The following DCPS variants were observed in gnomAD, a reference collection of about 807,000 sequenced individuals.
The protein encoded by DCPS is decapping enzyme, scavenger, also known as m7GpppX diphosphatase.
In DCPS, 27 loss-of-function variants were observed where a neutral mutation model predicts 34.7. That is an observed-to-expected ratio of 0.78 (90% CI 0.57 to 1.07). The LOEUF (loss-of-function observed/expected upper bound fraction) is 1.07. Ranked by LOEUF, DCPS falls within the 50% of genes least tolerant of loss-of-function variation. The pLI is 0.00. For synonymous variants in DCPS, 185 were observed against 185.7 expected, an observed-to-expected ratio of 1.00 and a Z score of 0.03; for missense variants, 464 against 436.9, an observed-to-expected ratio of 1.06 and a Z score of -0.55.
Position 126,347,147 on chromosome 11 carries a change from T to C in DCPS, c.*1534T>C, listed in dbSNP as rs1951939269. On this transcript the variant is annotated 3_prime_UTR_variant, in exon 6 of 6. Coordinates refer to ENST00000263579, the MANE Select transcript of DCPS (RefSeq NM_014026.6). The surrounding 1 kb of genome is among the most constrained non-coding windows in gnomAD (Gnocchi z 4.2). Reference sequence around the variant, plus strand: ...GTGTGGTCAGAAAGCCTCAGGGACCTGCTTCAGCCTTCAGGGAGTTCAGAT... The same window carrying C: ...GTGTGGTCAGAAAGCCTCAGGGACCCGCTTCAGCCTTCAGGGAGTTCAGAT... Among the ~76,000 whole-genome samples the C allele has an allele frequency of 6.6e-6, 1 of 150,810 alleles. No individual in the cohort carries two copies. The highest frequency in any genetic ancestry group is 1.5e-5 in the Non-Finnish European group (1 of 67,866).
chr11:126,346,953 G>A lies in DCPS; in HGVS notation c.*1340G>A, dbSNP rs1259903814. On this transcript the variant is annotated 3_prime_UTR_variant, in exon 6 of 6. Transcript: ENST00000263579. This position sits in a 1 kb window ranked among gnomAD's most constrained non-coding sequence, Gnocchi z 4.1. ...AAAAACAGAAAAATTAGCCAGGTGT[G>A]GTGGTGGGCTCCTATAATCCCACCT... 6.6e-6 allele frequency among the ~76,000 whole-genome samples: 1 copy of A among 151,986 alleles called. No homozygotes were observed. The highest frequency in any genetic ancestry group is 2.4e-5 in the African/African-American group (1 of 41,402).
chr11:126,346,297 G>A lies in DCPS; in HGVS notation c.*684G>A, dbSNP rs977683503. The stretch of plus-strand genomic sequence containing the variant: ...GTCCCCAGCCTTGAGTTTTTATCTC[G>A]GCAGGAAGACAAAACAGACTCACAT... On this transcript the variant is annotated 3_prime_UTR_variant, in exon 6 of 6. Transcript: ENST00000263579. The surrounding 1 kb of genome is among the most constrained non-coding windows in gnomAD (Gnocchi z 4.1). 1.3e-5 allele frequency among the ~76,000 whole-genome samples: 2 copies of A among 152,210 alleles called. No individual in the cohort carries two copies. Among genetic ancestry groups the A allele is most frequent in the South Asian group, 2.1e-4 (1 of 4,814 alleles).
chr11:126,323,558 C>T lies in DCPS; in HGVS notation c.377-7847C>T, dbSNP rs1389815660. Among the ~76,000 whole-genome samples the T allele has an allele frequency of 6.7e-6, 1 of 149,644 alleles. No individual in the cohort carries two copies. The highest frequency in any genetic ancestry group is 2.5e-5 in the African/African-American group (1 of 40,582). On this transcript the variant is annotated intron_variant, in intron 2 of 5. Coordinates refer to ENST00000263579, the MANE Select transcript of DCPS (RefSeq NM_014026.6). The surrounding 1 kb of genome is among the most constrained non-coding windows in gnomAD (Gnocchi z 4.4). ...TTTCTTTTCTTTTTTTTTTTTGAGA[C>T]AGGGTCTTGCTCAGTCACCCAGGCT...
Position 126,327,190 on chromosome 11 carries a change from A to C in DCPS, c.377-4215A>C, listed in dbSNP as rs1951748027. Among the ~76,000 whole-genome samples, 1 of 152,142 alleles carries C rather than the reference A, an allele frequency of 6.6e-6. No individual in the cohort carries two copies. The highest frequency in any genetic ancestry group is 6.5e-5 in the Admixed American group (1 of 15,276). ...CCAATCCCTTTAGTCCCGTCTCTTT[A>C]GTCTCCCTTCATCTGGAGCAATTCC... On this transcript the variant is annotated intron_variant, in intron 2 of 5. Transcript: ENST00000263579. The surrounding 1 kb of genome is among the most constrained non-coding windows in gnomAD (Gnocchi z 4.1).
Position 126,347,316 on chromosome 11 carries a change from T to C in DCPS, c.*1703T>C, listed in dbSNP as rs1350635978. Among the ~76,000 whole-genome samples the C allele has an allele frequency of 6.7e-6, 1 of 149,942 alleles. No individual in the cohort carries two copies. Among genetic ancestry groups the C allele is most frequent in the African/African-American group, 2.5e-5 (1 of 40,766 alleles). ...TCGACTCACTGCAACCTCTGCCTCC[T>C]GGGTTCAAGTGATTCTCCTGCCTCA... On this transcript the variant is annotated 3_prime_UTR_variant, in exon 6 of 6. Transcript: ENST00000263579. This position sits in a 1 kb window ranked among gnomAD's most constrained non-coding sequence, Gnocchi z 4.2.
In DCPS at chr11:126,315,007, G is replaced by C. The variant is rs1462735045; in HGVS notation, c.376+8263G>C. Among the ~76,000 whole-genome samples, 1 of 152,030 alleles carries C rather than the reference G, an allele frequency of 6.6e-6. No homozygotes were observed. The highest frequency in any genetic ancestry group is 1.5e-5 in the Non-Finnish European group (1 of 68,012). Reference sequence around the variant, plus strand: ...AAAAATAAAAAAATTTAAAAAAATTGCTCTACCGTAAAGACACATGCACAC... The same window carrying C: ...AAAAATAAAAAAATTTAAAAAAATTCCTCTACCGTAAAGACACATGCACAC... On this transcript the variant is annotated intron_variant, in intron 2 of 5. Transcript: ENST00000263579. This position sits in a 1 kb window ranked among gnomAD's most constrained non-coding sequence, Gnocchi z 6.1.
Position 126,333,497 on chromosome 11 carries a change from G to T in DCPS, c.522+1947G>T, listed in dbSNP as rs75198770. Among the ~76,000 whole-genome samples the T allele has an allele frequency of 2.4e-3, 360 of 152,332 alleles. 1 individual carries two copies. Among genetic ancestry groups the T allele is most frequent in the Admixed American group, 7.8e-3 (120 of 15,304 alleles). On this transcript the variant is annotated intron_variant, in intron 3 of 5. Coordinates refer to ENST00000263579, the MANE Select transcript of DCPS (RefSeq NM_014026.6). This position sits in a 1 kb window ranked among gnomAD's most constrained non-coding sequence, Gnocchi z 5.7. Reference sequence around the variant, plus strand: ...GTGATGCAGAGGGACAGTGACCAGCGCAGACAGTTGGGACTTCACAGGGAG... The same window carrying T: ...GTGATGCAGAGGGACAGTGACCAGCTCAGACAGTTGGGACTTCACAGGGAG...
intron 2 of DCPS, among the ~76,000 whole-genome samples, chr11:126,311,844 C>T (rs181379143): frequency 3.9e-5 from 6 of 152,200 alleles, no homozygotes; most frequent in East Asian, 3.9e-4. Flanking sequence ...AGCCACTGCC[C>T]GCAGTGAGAG....
intron 1 of DCPS, among the ~76,000 whole-genome samples, chr11:126,304,513 A>C (rs1464483314): frequency 6.6e-6 from 1 of 152,104 alleles, no homozygotes; most frequent in Non-Finnish European, 1.5e-5. Flanking sequence ...TCTCCACTAG[A>C]AATATCTACT....
At chr11:126,314,759 A>G (rs1241222382) in intron 2 of DCPS, among the ~76,000 whole-genome samples, 1 of 152,146 alleles carries the variant, frequency 6.6e-6, no homozygotes, top group African/African-American at 2.4e-5. Context: ...CAAACATTGT[A>G]TGTTCTCACT....
chr11:126,326,783 C>T (rs949760560), intron 2 of DCPS, among the ~76,000 whole-genome samples: 26 of 152,080 alleles, frequency 1.7e-4, no homozygotes, highest in Non-Finnish European at 2.6e-4. Context: ...ATTAGCCAGG[C>T]GTGGTGGCAG....
chr11:126,349,149 A>G lies in DCPS; in HGVS notation c.*3536A>G, dbSNP rs760607199. ...CTTCCTGCTATCTCGTAAGAGCCCA[A>G]CATCCTTCTGTCCTGAGCAAGCCAC... On this transcript the variant is annotated 3_prime_UTR_variant, in exon 6 of 6. Coordinates refer to ENST00000263579, the MANE Select transcript of DCPS (RefSeq NM_014026.6). This position sits in a 1 kb window ranked among gnomAD's most constrained non-coding sequence, Gnocchi z 5.4. Among the ~76,000 whole-genome samples, 9 of 152,258 alleles carry G rather than the reference A, an allele frequency of 5.9e-5. No homozygotes were observed. Among genetic ancestry groups the G allele is most frequent in the Non-Finnish European group, 7.4e-5 (5 of 68,026 alleles).
At chr11:126,318,199 G>GA (rs1314432909) in intron 2 of DCPS, among the ~76,000 whole-genome samples, 2 of 152,330 alleles carry the variant, frequency 1.3e-5, no homozygotes, top group East Asian at 3.9e-4. Context: ...CTTTCCTAGA[G>GA]ACAGGTAATT....
rs1591387603 is a variant in DCPS at position 126,328,440 on chromosome 11, G to T, written c.377-2965G>T. ...ATCCCTGCAGGTGCACCTCAGGAAA[G>T]GCAGGAGGATGGCAGGAAGTGAGCA... is the stretch of plus-strand genomic sequence containing the variant. On this transcript the variant is annotated intron_variant, in intron 2 of 5. Transcript: ENST00000263579. The surrounding 1 kb of genome is among the most constrained non-coding windows in gnomAD (Gnocchi z 6.6). Among the ~76,000 whole-genome samples, 1 of 152,174 alleles carries T rather than the reference G, an allele frequency of 6.6e-6. No homozygotes were observed. The highest frequency in any genetic ancestry group is 1.5e-5 in the Non-Finnish European group (1 of 68,014).
chr11:126,321,205 A>C (rs1422568603), intron 2 of DCPS, among the ~76,000 whole-genome samples: 1 of 151,180 alleles, frequency 6.6e-6, no homozygotes, highest in African/African-American at 2.4e-5. Flanking sequence ...CAGTGAGCCA[A>C]GATGGCGCCA....
rs1951837533 is a variant in DCPS at position 126,336,993 on chromosome 11, C to G, written c.523-1293C>G. 1 of 152,332 alleles carries G rather than the reference C, an allele frequency of 6.6e-6. No individual in the cohort carries two copies. The highest frequency in any genetic ancestry group is 2.1e-4 in the South Asian group (1 of 4,832). 9.4% of individuals were successfully genotyped at this position (152,332 alleles called of 1,614,324 possible). A position where few individuals can be genotyped will look rare whatever the true frequency, so the allele number is the denominator to read the frequency against. The stretch of plus-strand genomic sequence containing the variant: ...TGCCCTCTCCCCCGGTCCATCCCAG[C>G]TGAGAGGCGAGGATGCAATGCAGTG... On this transcript the variant is annotated intron_variant, in intron 3 of 5. Coordinates refer to ENST00000263579, the MANE Select transcript of DCPS (RefSeq NM_014026.6). The surrounding 1 kb of genome is among the most constrained non-coding windows in gnomAD (Gnocchi z 6.3).
In DCPS at chr11:126,349,114, C is replaced by T. The variant is rs1224907965; in HGVS notation, c.*3501C>T. Among the ~76,000 whole-genome samples, 1 of 152,172 alleles carries T rather than the reference C, an allele frequency of 6.6e-6. No individual in the cohort carries two copies. The highest frequency in any genetic ancestry group is 2.4e-5 in the African/African-American group (1 of 41,440). Reference sequence around the variant, plus strand: ...GGAGAGTAAGGACCAGCCCCTCTACCTCATGCTTTCTTCCTGCTATCTCGT... The same window carrying T: ...GGAGAGTAAGGACCAGCCCCTCTACTTCATGCTTTCTTCCTGCTATCTCGT... On this transcript the variant is annotated 3_prime_UTR_variant, in exon 6 of 6. Transcript: ENST00000263579. The surrounding 1 kb of genome is among the most constrained non-coding windows in gnomAD (Gnocchi z 5.4).
chr11:126,323,653 C>T lies in DCPS; in HGVS notation c.377-7752C>T, dbSNP rs4539333. On this transcript the variant is annotated intron_variant, in intron 2 of 5. Coordinates refer to ENST00000263579, the MANE Select transcript of DCPS (RefSeq NM_014026.6). This position sits in a 1 kb window ranked among gnomAD's most constrained non-coding sequence, Gnocchi z 4.4. ...CAGGCTCAAGCGATCCTCCCACCAC[C>T]TCAGCCACCAGAGTAGCTGGGACTA... 1.3e-5 allele frequency among the ~76,000 whole-genome samples: 2 copies of T among 152,070 alleles called. No individual in the cohort carries two copies. Among genetic ancestry groups the T allele is most frequent in the African/African-American group, 2.4e-5 (1 of 41,406 alleles).
chr11:126,318,043 C>T (rs1951676175), intron 2 of DCPS, among the ~76,000 whole-genome samples: 1 of 152,132 alleles, frequency 6.6e-6, no homozygotes, highest in Non-Finnish European at 1.5e-5. Flanking sequence ...GGTCCTGTTG[C>T]CTCCCTACCC....
Sources: allele counts gnomAD v4.1 joint callset (sites outside exome capture counted in the v4.1 genomes callset), GRCh38; gene constraint gnomAD v4.1.1; non-coding constraint Gnocchi (gnomAD v3.1); transcripts MANE v1.5; gene names NCBI Gene and HGNC (gene_info 2026-07-23, HGNC 2026-07-21).